Variants in TENM2 observed in about 807,000 individuals in gnomAD.
TENM2 encodes the protein teneurin transmembrane protein 2, also known as teneurin-2.
A neutral mutation model predicts 245.2 loss-of-function variants in TENM2; 52 were observed. That is an observed-to-expected ratio of 0.21 (90% confidence interval 0.17 to 0.27). The LOEUF (loss-of-function observed/expected upper bound fraction) is 0.27, where lower values mean the gene tolerates loss of function less well. Among genes scored for constraint, TENM2 ranks in the 10% least tolerant of loss-of-function variants. TENM2 has a pLI of 1.00. For missense variants in TENM2, 3,046 were observed against 3,666.8 expected, an observed-to-expected ratio of 0.83 and a Z score of 4.37; for synonymous variants, 1,363 against 1,438.9, an observed-to-expected ratio of 0.95 and a Z score of 1.19.
chr5:167,785,242 A>AT (rs1391547201), intron 2 of TENM2, among the ~76,000 whole-genome samples: 1 of 152,196 alleles, frequency 6.6e-6, no homozygotes, highest in Non-Finnish European at 1.5e-5. Flanking sequence ...ATGTGATTTA[A>AT]TGTGGTCACT....
At chr5:167,431,927 A>ATTGGTGCTGCTTTT (rs1561950098) in intron 2 of TENM2, among the ~76,000 whole-genome samples, 15 of 117,740 alleles carry the variant, frequency 1.3e-4, no homozygotes, top group African/African-American at 4.4e-4. Flanking sequence ...ATATATATAT[A>ATTGGTGCTGCTTTT]CATATATATA....
rs1763379458 is a variant in TENM2, at chr5:168,218,363, C to T, written c.4472C>T (p.Thr1491Ile). 6.2e-7 allele frequency: 1 copy of T among 1,613,952 alleles called. No individual in the cohort carries two copies. The highest frequency in any genetic ancestry group is 1.3e-5 in the African/African-American group (1 of 74,936). The change falls in exon 23 of 29, where the codon ACT becomes ATT. Residue 1491 changes from threonine (T) to isoleucine (I), a missense_variant. Thr to Ile is a moderately conservative substitution (Grantham distance 89, BLOSUM62 -1). Transcript: ENST00000518659. The surrounding 1 kb of genome is among the most constrained non-coding windows in gnomAD (Gnocchi z 5.2). ...TCTCACACTGGGGTCCTCTACATCA[C>T]TGAGACAGATGAGAAGAAGATTAAC...
chr5:167,271,146 G>C, the TENM2 span, among the ~76,000 whole-genome samples: 243 of 152,246 alleles, frequency 1.6e-3, 2 homozygotes, highest in Non-Finnish European at 2.8e-3. Context: ...ATTAGGTTTT[G>C]AGGCTGCAGG....
the TENM2 span, among the ~76,000 whole-genome samples, chr5:167,073,023 A>T: frequency 2.0e-5 from 3 of 152,232 alleles, no homozygotes; most frequent in Non-Finnish European, 4.4e-5. Context: ...ATAGTGTGCC[A>T]TAGTCAAAGT....
chr5:168,255,460 CT>C (rs1767565305), intron 27 of TENM2, among the ~76,000 whole-genome samples: 1 of 152,088 alleles, frequency 6.6e-6, no homozygotes, highest in South Asian at 2.1e-4. Flanking sequence ...CACCACCAAG[CT>C]GAGCTAATTT....
At chr5:167,283,886 G>T (rs188366455), upstream of TENM2, among the ~76,000 whole-genome samples, 1 of 152,264 alleles carries the variant, frequency 6.6e-6, no homozygotes, top group East Asian at 1.9e-4. Context: ...CAGTCTGAGG[G>T]TGTCAAATGC....
rs182050559 is a variant in TENM2 at position 167,454,662 on chromosome 5, T to A, written c.502+79189T>A. The stretch of plus-strand genomic sequence containing the variant: ...CCTGCCCCATCTCTTTCCCATCCAC[T>A]CAACCGTTGGTTCTATTTTCCTCTA... On this transcript the variant is annotated intron_variant, in intron 2 of 28. Transcript: ENST00000518659. Among the ~76,000 whole-genome samples the A allele has an allele frequency of 3.0e-4, 46 of 152,318 alleles. No homozygotes were observed. In the East Asian group the frequency reaches 7.9e-3, roughly 26 times the overall value.
At chr5:167,073,443 A>G in the TENM2 span, among the ~76,000 whole-genome samples, 2 of 152,202 alleles carry the variant, frequency 1.3e-5, no homozygotes, top group Admixed American at 6.5e-5. Context: ...CATACAGGGC[A>G]CAAAATAGGG....
chr5:167,079,988 A>G, the TENM2 span, among the ~76,000 whole-genome samples: 1 of 152,246 alleles, frequency 6.6e-6, no homozygotes, highest in African/African-American at 2.4e-5. Flanking sequence ...TATAATGAAC[A>G]TAGTTATATG....
At chr5:167,602,502 T>G (rs1776708279) in intron 2 of TENM2, among the ~76,000 whole-genome samples, 1 of 152,166 alleles carries the variant, frequency 6.6e-6, no homozygotes, top group Non-Finnish European at 1.5e-5. Context: ...AGATTGAGTG[T>G]TTTTGGTCAC....
chr5:167,515,282 C>CT (rs1770248620), intron 2 of TENM2, among the ~76,000 whole-genome samples: 1 of 152,132 alleles, frequency 6.6e-6, no homozygotes, highest in Non-Finnish European at 1.5e-5. Flanking sequence ...AATGTTTCTA[C>CT]TGTCTACAGC....
At chr5:167,862,073 A>C (rs1432425973) in intron 2 of TENM2, among the ~76,000 whole-genome samples, 1 of 152,196 alleles carries the variant, frequency 6.6e-6, no homozygotes, top group Admixed American at 6.5e-5. Flanking sequence ...CATTGCTGAC[A>C]GTGGAGGTAT....
intron 3 of TENM2, among the ~76,000 whole-genome samples, chr5:167,887,790 G>A (rs1221687690): frequency 6.6e-6 from 1 of 152,132 alleles, no homozygotes; most frequent in Non-Finnish European, 1.5e-5. Context: ...CGAACTAGGT[G>A]GCTGAAAACA....
At chr5:167,013,663 C>T in the TENM2 span, among the ~76,000 whole-genome samples, 3 of 152,030 alleles carry the variant, frequency 2.0e-5, no homozygotes, top group African/African-American at 7.2e-5. Context: ...ACCAAGATCG[C>T]ACCACTGCAC....
chr5:167,044,892 A>G, the TENM2 span, among the ~76,000 whole-genome samples: 2 of 152,340 alleles, frequency 1.3e-5, no homozygotes, highest in East Asian at 3.9e-4. Flanking sequence ...AAGTTAGGCA[A>G]AACCGAGTGT....
At chr5:168,257,910 G>A (rs767719450) in intron 27 of TENM2, among the ~76,000 whole-genome samples, 5 of 152,102 alleles carry the variant, frequency 3.3e-5, no homozygotes, top group East Asian at 1.9e-4. Context: ...CACCGTGCCC[G>A]GCCAGCTCCT....
chr5:167,690,788 C>A (rs1561675952), intron 2 of TENM2, among the ~76,000 whole-genome samples: 1 of 152,042 alleles, frequency 6.6e-6, no homozygotes, highest in Non-Finnish European at 1.5e-5. Flanking sequence ...TTTGTCACCG[C>A]TTAAAAGGAA....
At chr5:167,577,502 T>A (rs574550240) in intron 2 of TENM2, among the ~76,000 whole-genome samples, 11 of 152,306 alleles carry the variant, frequency 7.2e-5, no homozygotes, top group Admixed American at 7.2e-4. Flanking sequence ...AAGGCATAAG[T>A]GTCAGCTACT....
intron 10 of TENM2, among the ~76,000 whole-genome samples, chr5:168,121,301 A>G (rs950673326): frequency 6.6e-6 from 1 of 152,190 alleles, no homozygotes; most frequent in Non-Finnish European, 1.5e-5. Flanking sequence ...CACTGTTTCT[A>G]TTTATAAAGC....
Sources: gnomAD v4.1 joint callset for allele counts (sites outside exome capture counted in the v4.1 genomes callset) on GRCh38, gnomAD v4.1.1 for gene constraint, Gnocchi (gnomAD v3.1) non-coding constraint, MANE v1.5 for transcripts, NCBI Gene and HGNC (gene_info 2026-07-23, HGNC 2026-07-21) for gene names.